ANGPT2: variants seen among roughly 807,000 people sequenced by gnomAD.
ANGPT2 encodes the protein angiopoietin-2.
ANGPT2 carries 28 observed loss-of-function variants against 62.9 expected under a neutral mutation model. That is an observed-to-expected ratio of 0.44 (90% CI 0.33 to 0.61). ANGPT2 has a LOEUF of 0.61. Among genes scored for constraint, ANGPT2 ranks in the 20% least tolerant of loss-of-function variants. The probability of loss-of-function intolerance (pLI) is 0.03; values close to 1 mark genes in which losing one functional copy is unlikely to be tolerated. For synonymous variants in ANGPT2, 284 were observed against 207.8 expected (o/e 1.37, Z -3.15); for missense variants, 727 against 594.9 (o/e 1.22, Z -2.31).
intron 5 of ANGPT2, 130 bp from the exon 6 acceptor site, chr8:6,514,908 A>G (rs1815952097): frequency 7.3e-6 from 5 of 683,034 alleles, no homozygotes; most frequent in Non-Finnish European, 1.0e-5. Context: ...TAAGGCACGG[A>G]GTAGACCATC....
At chr8:6,545,969 A>G (rs1822513030) in intron 1 of ANGPT2, among the ~76,000 whole-genome samples, 1 of 152,230 alleles carries the variant, frequency 6.6e-6, no homozygotes, top group South Asian at 2.1e-4. Flanking sequence ...GGAAGTAGCG[A>G]TATTTGTGAC....
intron 7 of ANGPT2, among the ~76,000 whole-genome samples, chr8:6,510,737 T>A (rs935749880): frequency 1.3e-5 from 2 of 152,178 alleles, no homozygotes; most frequent in African/African-American, 4.8e-5. Flanking sequence ...ACAGAGATGT[T>A]TGTTTGTTGA....
At chr8:6,522,416 T>G (rs1817534389) in intron 3 of ANGPT2, among the ~76,000 whole-genome samples, 1 of 151,800 alleles carries the variant, frequency 6.6e-6, no homozygotes, top group Non-Finnish European at 1.5e-5. Context: ...TAACAGTCAA[T>G]GAATGTTTGT....
At chr8:6,552,652 A>T (rs920288005) in intron 1 of ANGPT2, among the ~76,000 whole-genome samples, 5 of 152,146 alleles carry the variant, frequency 3.3e-5, no homozygotes, top group African/African-American at 1.2e-4. Context: ...ACAGTTTCCA[A>T]CACCCTGTGC....
At chr8:6,535,552 A>C (rs1218086103) in intron 1 of ANGPT2, among the ~76,000 whole-genome samples, 1 of 152,228 alleles carries the variant, frequency 6.6e-6, no homozygotes, top group Non-Finnish European at 1.5e-5. Flanking sequence ...TTACAAATAC[A>C]CATGATGTGT....
intron 1 of ANGPT2, 38 bp downstream of exon 1, chr8:6,562,609 A>C: frequency 1.7e-6 from 2 of 1,142,866 alleles, no homozygotes; most frequent in Middle Eastern, 2.5e-4. Flanking sequence ...GCTGATCTTA[A>C]TAGCATGTTC....
intron 8 of ANGPT2, among the ~76,000 whole-genome samples, chr8:6,505,262 TTATATA>T (rs1405057883): frequency 1.3e-4 from 3 of 23,438 alleles, no homozygotes; most frequent in African/African-American, 3.8e-4. Flanking sequence ...TATATATGTT[TTATATA>T]TATGTATACA....
At chr8:6,504,938 T>C (rs1812983632) in intron 8 of ANGPT2, among the ~76,000 whole-genome samples, 2 of 151,972 alleles carry the variant, frequency 1.3e-5, no homozygotes, top group Admixed American at 6.6e-5. Flanking sequence ...ATTTTACATA[T>C]GTTAAACTGA....
Position 6,500,554 on chromosome 8 carries a change from G to T in ANGPT2, c.*2547C>A, listed in dbSNP as rs1012741253. The T allele has an allele frequency of 6.5e-6, 1 of 153,566 alleles. No homozygotes were observed. The highest frequency in any genetic ancestry group is 1.4e-5 in the Non-Finnish European group (1 of 69,080). 9.5% of individuals were successfully genotyped at this position (153,566 alleles called of 1,614,324 possible). A position where few individuals can be genotyped will look rare whatever the true frequency, so the allele number is the denominator to read the frequency against. On this transcript the variant is annotated 3_prime_UTR_variant, in exon 9 of 9. Transcript: ENST00000629816. The stretch of plus-strand genomic sequence containing the variant: ...AAATGGTGATTTTTATCTGCCACTG[G>T]TGTTGTTATTTAGCTGTTTGAGTAG...
chr8:6,514,679 C>T lies in ANGPT2; in HGVS notation c.1027G>A (p.Val343Met), dbSNP rs776252598. The change falls in exon 6 of 9, where the codon GTG becomes ATG. Residue 343 changes from valine to methionine, a missense_variant and splice_region_variant. By Grantham distance (21) the Val-to-Met change is conservative (BLOSUM62 1). Transcript: ENST00000629816. ...DFQRTWKEYKVGFGNPSGEYW... is the reference protein window; with the variant it reads ...DFQRTWKEYKMGFGNPSGEYW... ...GATGCCTTAAAGAATGTCCTTACCA[C>T]TTTATATTCTTTCCAAGTCCTCTGA... 1 of 1,613,728 alleles carries T rather than the reference C, an allele frequency of 6.2e-7. No homozygotes were observed.
intron 3 of ANGPT2, among the ~76,000 whole-genome samples, chr8:6,525,342 G>A (rs940527526): frequency 6.6e-6 from 1 of 152,154 alleles, no homozygotes; most frequent in Non-Finnish European, 1.5e-5. Context: ...CGATCCACCT[G>A]CCTCAGCCAT....
At chr8:6,537,355 T>G (rs12541780) in intron 1 of ANGPT2, among the ~76,000 whole-genome samples, 23,548 of 151,980 alleles carry the variant, frequency 0.15, 1,971 homozygotes, top group Admixed American at 0.22. Context: ...GGCCTTGGGC[T>G]GTTCTTCCTT....
In ANGPT2 at chr8:6,499,815, A is replaced by G. The variant is rs916204339; in HGVS notation, c.*3286T>C. On this transcript the variant is annotated 3_prime_UTR_variant, in exon 9 of 9. Transcript: ENST00000629816. ...TGGTTTATTGCCTGCTAAGGCTAATAAATGTATAATAAATCTGCTTGTTGT... is the reference window on the plus strand; with the variant it reads ...TGGTTTATTGCCTGCTAAGGCTAATGAATGTATAATAAATCTGCTTGTTGT... 6.3e-7 allele frequency: 1 copy of G among 1,590,154 alleles called. No individual in the cohort carries two copies. The highest frequency in any genetic ancestry group is 1.7e-5 in the Admixed American group (1 of 60,008).
intron 7 of ANGPT2, among the ~76,000 whole-genome samples, chr8:6,510,668 G>A (rs1004244434): frequency 2.6e-5 from 4 of 152,160 alleles, no homozygotes; most frequent in African/African-American, 9.7e-5. Flanking sequence ...CATGGAGGTA[G>A]GATTTGCACC....
At chr8:6,552,557 T>A (rs1823839902) in intron 1 of ANGPT2, among the ~76,000 whole-genome samples, 1 of 152,208 alleles carries the variant, frequency 6.6e-6, no homozygotes, top group Non-Finnish European at 1.5e-5. Context: ...TAATGTGAGA[T>A]ATAGTATAGA....
In ANGPT2 at chr8:6,525,803, C is replaced by T. The variant is rs953444831; in HGVS notation, c.566+1752G>A. Among the ~76,000 whole-genome samples, 7 of 152,114 alleles carry T rather than the reference C, an allele frequency of 4.6e-5. No individual in the cohort carries two copies. The East Asian group carries it at 1.2e-3, about 25-fold the overall frequency. On this transcript the variant is annotated intron_variant, in intron 3 of 8. Coordinates refer to ENST00000629816, the MANE Select transcript of ANGPT2 (RefSeq NM_001118887.2). ...CTTTCATATCTGTGACAAAAAAATA[C>T]GATTTCTACAGCTGATGAGAAAAAG...
intron 5 of ANGPT2, among the ~76,000 whole-genome samples, chr8:6,517,540 G>C (rs1485153694): frequency 6.6e-6 from 1 of 152,178 alleles, no homozygotes; most frequent in Non-Finnish European, 1.5e-5. Flanking sequence ...AAGACCAATT[G>C]AACATTCTTT....
intron 5 of ANGPT2, among the ~76,000 whole-genome samples, chr8:6,518,021 C>T (rs115512325): frequency 7.9e-5 from 12 of 151,308 alleles, no homozygotes; most frequent in African/African-American, 2.2e-4. Context: ...ACCTGAGGCT[C>T]ATATAATCCC....
At chr8:6,509,114 G>GT (rs1563314858) in intron 7 of ANGPT2, 52 bp from the exon 8 acceptor site, 1 of 1,581,180 alleles carries the variant, frequency 6.3e-7, no homozygotes, top group Admixed American at 1.8e-5. Context: ...TTGATTTACC[G>GT]TAGTGGCAAA....
Sources: gnomAD v4.1 joint callset for allele counts (sites outside exome capture counted in the v4.1 genomes callset) on GRCh38, gnomAD v4.1.1 for gene constraint, MANE v1.5 for transcripts, NCBI Gene and HGNC (gene_info 2026-07-23, HGNC 2026-07-21) for gene names.